The following NCKAP5 variants were observed in gnomAD, a reference collection of about 807,000 sequenced individuals.
NCKAP5 encodes NCK associated protein 5.
Under a neutral mutation model 167.0 loss-of-function variants are expected in NCKAP5, and 92 were observed. The ratio of observed to expected loss-of-function variants is 0.55; its 90% CI spans 0.47 to 0.66. The LOEUF is 0.66. Among genes scored for constraint, NCKAP5 ranks in the 30% least tolerant of loss-of-function variants. The probability of loss-of-function intolerance (pLI) is 0.00; values close to 1 mark genes in which losing one functional copy is unlikely to be tolerated. For synonymous variants in NCKAP5, 891 were observed against 877.4 expected, an observed-to-expected ratio of 1.02 and a Z score of -0.27; for missense variants, 2,378 against 2,315.0, an observed-to-expected ratio of 1.03 and a Z score of -0.56.
At chr2:133,437,189 T>G (rs557196375) in intron 3 of NCKAP5, among the ~76,000 whole-genome samples, 2 of 151,960 alleles carry the variant, frequency 1.3e-5, no homozygotes, top group African/African-American at 4.8e-5. Flanking sequence ...CCGTCTCTAC[T>G]AGAAATACAA....
intron 3 of NCKAP5, among the ~76,000 whole-genome samples, chr2:133,337,230 A>G (rs954992486): frequency 1.3e-5 from 2 of 152,184 alleles, no homozygotes; most frequent in African/African-American, 2.4e-5. Flanking sequence ...AGCTGCTGCT[A>G]TTGTGTAGCT....
intron 4 of NCKAP5, among the ~76,000 whole-genome samples, chr2:133,245,287 G>A (rs923114848): frequency 6.6e-5 from 10 of 152,160 alleles, no homozygotes; most frequent in South Asian, 4.2e-4. Flanking sequence ...ATGCTGCCCC[G>A]TAACTAGAAT....
chr2:132,922,643 C>T (rs139949408), intron 8 of NCKAP5, among the ~76,000 whole-genome samples: 1 of 152,248 alleles, frequency 6.6e-6, no homozygotes, highest in East Asian at 1.9e-4. Flanking sequence ...GCCTTTGTGC[C>T]TTCATATTGC....
At chr2:133,541,816 G>C (rs1345201641) in intron 2 of NCKAP5, among the ~76,000 whole-genome samples, 1 of 151,926 alleles carries the variant, frequency 6.6e-6, no homozygotes, top group African/African-American at 2.4e-5. Flanking sequence ...AAATAGAGAG[G>C]GCTGGGAGCT....
intron 3 of NCKAP5, among the ~76,000 whole-genome samples, chr2:133,310,001 C>T (rs540384741): frequency 1.3e-5 from 2 of 152,280 alleles, no homozygotes; most frequent in Admixed American, 1.3e-4. Flanking sequence ...CAAAGCAGCA[C>T]CAGCAAGGCG....
intron 6 of NCKAP5, among the ~76,000 whole-genome samples, chr2:133,076,170 A>G (rs2080594578): frequency 6.6e-6 from 1 of 152,218 alleles, no homozygotes; most frequent in Admixed American, 6.5e-5. Flanking sequence ...TGCAAATTTA[A>G]AAAATAAATT....
intron 7 of NCKAP5, among the ~76,000 whole-genome samples, chr2:132,969,998 G>A (rs878899448): frequency 1.3e-5 from 2 of 152,178 alleles, no homozygotes; most frequent in Admixed American, 6.5e-5. Context: ...TGGAAGGGAC[G>A]TATTTAGAGT....
intron 6 of NCKAP5, 61 bp from the exon 7 acceptor site, chr2:132,994,300 C>T (rs768839392): frequency 5.4e-5 from 67 of 1,229,666 alleles, no homozygotes; most frequent in Non-Finnish European, 6.9e-5. Context: ...CGGATCCACT[C>T]GAGTTGTAGA....
chr2:133,297,943 A>C (rs758490923), intron 4 of NCKAP5, among the ~76,000 whole-genome samples: 3 of 152,232 alleles, frequency 2.0e-5, no homozygotes, highest in Non-Finnish European at 4.4e-5. Flanking sequence ...AACTTCAGGC[A>C]ATCTGGTTGT....
intron 19 of NCKAP5, among the ~76,000 whole-genome samples, chr2:132,695,898 T>C (rs1687260965): frequency 6.6e-6 from 1 of 152,228 alleles, no homozygotes; most frequent in Admixed American, 6.5e-5. Context: ...ATTTCAGAGA[T>C]GTATACCCTT....
intron 6 of NCKAP5, among the ~76,000 whole-genome samples, chr2:132,999,631 C>G (rs4954020): frequency 0.63 from 95,423 of 152,028 alleles, 30,398 homozygotes; most frequent in Middle Eastern, 0.8. Flanking sequence ...ACTTTGAAGA[C>G]CTGGACTTAT....
intron 6 of NCKAP5, among the ~76,000 whole-genome samples, chr2:133,021,297 G>T (rs894142120): frequency 1.3e-5 from 2 of 152,182 alleles, no homozygotes; most frequent in African/African-American, 4.8e-5. Flanking sequence ...CTGGGGATCA[G>T]TAGGAGGAAA....
At chr2:132,892,680 C>T (rs892802572) in intron 8 of NCKAP5, among the ~76,000 whole-genome samples, 6 of 152,228 alleles carry the variant, frequency 3.9e-5, no homozygotes, top group African/African-American at 1.4e-4. Context: ...GACTTTATTA[C>T]CTCATTTAAT....
chr2:133,583,274 G>A, the NCKAP5 span, among the ~76,000 whole-genome samples: 1 of 152,218 alleles, frequency 6.6e-6, no homozygotes. Context: ...GATCCCTCAT[G>A]AATGACTTAG....
chr2:133,501,845 TTC>T (rs1305191253), intron 3 of NCKAP5, among the ~76,000 whole-genome samples: 3 of 152,250 alleles, frequency 2.0e-5, no homozygotes, highest in African/African-American at 7.2e-5. Flanking sequence ...TTTTCATGAA[TTC>T]TCTCAAATAA....
At chr2:132,875,141 T>C (rs1691167115) in intron 9 of NCKAP5, among the ~76,000 whole-genome samples, 1 of 152,082 alleles carries the variant, frequency 6.6e-6, no homozygotes, top group South Asian at 2.1e-4. Flanking sequence ...TAATCTCCTG[T>C]GGTGCTTTAA....
At chr2:132,790,537 G>C (rs945844499) in intron 12 of NCKAP5, among the ~76,000 whole-genome samples, 2 of 152,098 alleles carry the variant, frequency 1.3e-5, no homozygotes, top group African/African-American at 4.8e-5. Flanking sequence ...TGGTTGTATG[G>C]GTGCTCACAG....
intron 11 of NCKAP5, among the ~76,000 whole-genome samples, chr2:132,856,453 C>T (rs1450026966): frequency 6.6e-6 from 1 of 152,112 alleles, no homozygotes; most frequent in Non-Finnish European, 1.5e-5. Flanking sequence ...CAAATTTTTG[C>T]ACCTTGGTTC....
At chr2:133,078,723 A>G (rs935996744) in intron 6 of NCKAP5, among the ~76,000 whole-genome samples, 65 of 152,080 alleles carry the variant, frequency 4.3e-4, no homozygotes, top group Non-Finnish European at 4.7e-4. Context: ...TTTCCCTTAA[A>G]CAGTCTTTTA....
Sources: allele counts gnomAD v4.1 joint callset (sites outside exome capture counted in the v4.1 genomes callset), GRCh38; gene constraint gnomAD v4.1.1; transcripts MANE v1.5; gene names NCBI Gene and HGNC (gene_info 2026-07-23, HGNC 2026-07-21).